PIK3CB: variants seen among roughly 807,000 people sequenced by gnomAD.
PIK3CB encodes the protein phosphatidylinositol 4,5-bisphosphate 3-kinase catalytic subunit beta isoform.
PIK3CB carries 39 observed loss-of-function variants against 136.8 expected under a neutral mutation model. The observed-to-expected ratio is 0.29, with a 90% CI of 0.22 to 0.37. The LOEUF (loss-of-function observed/expected upper bound fraction) is 0.37, where lower values mean the gene tolerates loss of function less well. Among genes scored for constraint, PIK3CB ranks in the 10% least tolerant of loss-of-function variants. The pLI is 1.00. For synonymous variants in PIK3CB, 428 were observed against 436.6 expected (o/e 0.98, Z 0.25); for missense variants, 868 against 1,275.4 (o/e 0.68, Z 4.87).
intron 22 of PIK3CB, chr3:138,657,333 T>G (rs1433311860): frequency 5.9e-6 from 1 of 170,056 alleles, no homozygotes; most frequent in African/African-American, 2.4e-5. Context: ...ATTAAAAAAT[T>G]TGCCCTGAAT....
At chr3:138,744,134 G>A (rs970616204) in intron 4 of PIK3CB, among the ~76,000 whole-genome samples, 10 of 152,024 alleles carry the variant, frequency 6.6e-5, no homozygotes, top group Non-Finnish European at 1.3e-4. Context: ...GCTCACGCCT[G>A]TAATCCCAGC....
chr3:138,815,636 G>A (rs1430840625), intron 1 of PIK3CB, among the ~76,000 whole-genome samples: 1 of 152,072 alleles, frequency 6.6e-6, no homozygotes, highest in South Asian at 2.1e-4. Flanking sequence ...ATGCTATGCT[G>A]CCATTTGTGA....
intron 2 of PIK3CB, among the ~76,000 whole-genome samples, chr3:138,764,543 C>A (rs1288784984): frequency 2.0e-5 from 3 of 152,110 alleles, no homozygotes. Flanking sequence ...GGTGGAAGAA[C>A]TACTTGAGGT....
intron 8 of PIK3CB, among the ~76,000 whole-genome samples, chr3:138,731,419 A>C (rs2044969911): frequency 6.6e-6 from 1 of 151,646 alleles, no homozygotes; most frequent in East Asian, 2.0e-4. Flanking sequence ...TACCCAGCTA[A>C]GCTTTGTATT....
At chr3:138,773,487 C>G (rs1192502719) in intron 2 of PIK3CB, among the ~76,000 whole-genome samples, 1 of 151,980 alleles carries the variant, frequency 6.6e-6, no homozygotes, top group Non-Finnish European at 1.5e-5. Context: ...ATTATTTCAT[C>G]AAACTAAAAG....
intron 5 of PIK3CB, among the ~76,000 whole-genome samples, chr3:138,739,086 A>G (rs2108658836): frequency 6.6e-6 from 1 of 152,262 alleles, no homozygotes; most frequent in South Asian, 2.1e-4. Context: ...TTGGAAGTGA[A>G]AACTTTGGGA....
At chr3:138,826,009 C>A in intron 1 of PIK3CB, 1 of 1,462,082 alleles carries the variant, frequency 6.8e-7, no homozygotes, top group Non-Finnish European at 9.5e-7. Context: ...TCAGTGCTGG[C>A]TATGCCACTG....
intron 4 of PIK3CB, among the ~76,000 whole-genome samples, chr3:138,748,156 T>TAC (rs3071146): frequency 0.15 from 20,963 of 142,726 alleles, 1,600 homozygotes; most frequent in Middle Eastern, 0.19. Context: ...TTAGAAATCA[T>TAC]ACACACACAC....
At chr3:138,823,470 A>G (rs1300583594) in intron 1 of PIK3CB, among the ~76,000 whole-genome samples, 1 of 151,148 alleles carries the variant, frequency 6.6e-6, no homozygotes, top group Non-Finnish European at 1.5e-5. Flanking sequence ...TTTGGGAGGT[A>G]GAGGTGGGCA....
Position 138,654,451 on chromosome 3 carries a change from A to T in PIK3CB, c.*938T>A, listed in dbSNP as rs1026589099. The T allele has an allele frequency of 4.4e-6, 1 of 228,422 alleles. No individual in the cohort carries two copies. Among genetic ancestry groups the T allele is most frequent in the Non-Finnish European group, 8.7e-6 (1 of 115,142 alleles). The allele number at this position is 228,422 out of a possible 1,614,324, so 14.1% of individuals were successfully genotyped here. On this transcript the variant is annotated 3_prime_UTR_variant, in exon 24 of 24. Transcript: ENST00000674063. ...GAGCTGGCATTTTTCTAAAATACTGAATTTCAGATCTGGAGTTTATTCCAT... is the reference window on the plus strand; with the variant it reads ...GAGCTGGCATTTTTCTAAAATACTGTATTTCAGATCTGGAGTTTATTCCAT...
Position 138,688,909 on chromosome 3 carries a change from C to G in PIK3CB, c.2102G>C (p.Gly701Ala). The G allele has an allele frequency of 6.2e-7, 1 of 1,613,708 alleles. No homozygotes were observed. The highest frequency in any genetic ancestry group is 1.7e-5 in the Admixed American group (1 of 60,030). ...FGVILEAYCR[G>A]SVGHMKVLSK... Reference sequence around the variant, plus strand: ...AAGCACTTTCATGTGCCCCACACTTCCCCGGCAGTATGCTTCAAGGATGAC... The same window carrying G: ...AAGCACTTTCATGTGCCCCACACTTGCCCGGCAGTATGCTTCAAGGATGAC... The change falls in exon 16 of 24, where the codon GGA (glycine) becomes GCA (alanine). Residue 701 changes from glycine to alanine, a missense_variant. This residue lies in a region of PIK3CB where 165 missense variants were observed against 295.4 expected (regional missense o/e 0.56). Transcript: ENST00000674063.
chr3:138,767,349 G>C (rs936780316), intron 2 of PIK3CB, among the ~76,000 whole-genome samples: 1 of 152,110 alleles, frequency 6.6e-6, no homozygotes, highest in African/African-American at 2.4e-5. Context: ...CAATCACTGT[G>C]CCAACAAGAA....
At chr3:138,745,411 T>A (rs1047933131) in intron 4 of PIK3CB, among the ~76,000 whole-genome samples, 1 of 152,044 alleles carries the variant, frequency 6.6e-6, no homozygotes, top group Non-Finnish European at 1.5e-5. Context: ...GGTGGGGGGA[T>A]CACTTGAGGT....
chr3:138,753,120 G>A (rs377380830), intron 4 of PIK3CB, among the ~76,000 whole-genome samples: 46 of 152,208 alleles, frequency 3.0e-4, no homozygotes, highest in African/African-American at 1.1e-3. Context: ...AGGAAGCTGA[G>A]GTGGGAGGAT....
intron 8 of PIK3CB, among the ~76,000 whole-genome samples, chr3:138,731,202 T>C (rs2044964907): frequency 1.3e-5 from 2 of 152,182 alleles, no homozygotes; most frequent in Non-Finnish European, 2.9e-5. Flanking sequence ...CTTATGATGG[T>C]AAGGAGAGAC....
chr3:138,707,842 TC>T (rs1160419943), intron 10 of PIK3CB, among the ~76,000 whole-genome samples: 1 of 152,228 alleles, frequency 6.6e-6, no homozygotes, highest in Non-Finnish European at 1.5e-5. Context: ...ACTGCTTCTT[TC>T]TTCAAGGTAC....
At chr3:138,681,829 A>C in intron 19 of PIK3CB, 138 bp downstream of exon 19, 2 of 544,916 alleles carry the variant, frequency 3.7e-6, no homozygotes, top group Non-Finnish European at 6.4e-6. Flanking sequence ...TTGAAAGTAC[A>C]TTCTAAAGTG....
chr3:138,724,197 T>A (rs999461673), intron 8 of PIK3CB, among the ~76,000 whole-genome samples: 6 of 152,208 alleles, frequency 3.9e-5, no homozygotes, highest in African/African-American at 1.4e-4. Context: ...TTCCCACAAA[T>A]GCCCTCCTCA....
chr3:138,661,564 G>T (rs1268940488), intron 21 of PIK3CB, among the ~76,000 whole-genome samples: 1 of 152,224 alleles, frequency 6.6e-6, no homozygotes, highest in Admixed American at 6.5e-5. Flanking sequence ...AGGTGTAAAA[G>T]AAGAAAATGG....
Sources: allele counts gnomAD v4.1 joint callset (sites outside exome capture counted in the v4.1 genomes callset), GRCh38; gene constraint gnomAD v4.1.1; regional missense constraint gnomAD v4.1.1; transcripts MANE v1.5; gene names NCBI Gene and HGNC (gene_info 2026-07-23, HGNC 2026-07-21).